The following EDA variants were observed in gnomAD, a reference collection of about 807,000 sequenced individuals.
EDA encodes ectodysplasin-A.
A neutral mutation model predicts 23.6 loss-of-function variants in EDA; 2 were observed. That is an observed-to-expected ratio of 0.08 (90% CI 0.03 to 0.27). The LOEUF is 0.27. EDA is among the 10% of genes least tolerant of loss of function. The pLI is 1.00. For missense variants in EDA, 229 were observed against 324.2 expected (o/e 0.71, Z 2.26); for synonymous variants, 131 against 132.0 (o/e 0.99, Z 0.05).
At chrX:69,705,363 T>C (rs1180731544) in intron 1 of EDA, among the ~76,000 whole-genome samples, 1 of 111,885 alleles carries the variant, frequency 8.9e-6, no homozygotes, top group Non-Finnish European at 1.9e-5. Flanking sequence ...TTAACTGTTA[T>C]CACAAGAGAG....
intron 1 of EDA, among the ~76,000 whole-genome samples, chrX:69,657,332 GTTAC>G (rs1933350544): frequency 8.9e-6 from 1 of 111,956 alleles, no homozygotes; most frequent in South Asian, 3.7e-4. Flanking sequence ...TTTTAATGGA[GTTAC>G]TTGTTTTCTT....
chrX:69,981,598 C>T, intron 2 of EDA, among the ~76,000 whole-genome samples: 1 of 111,393 alleles, frequency 9.0e-6, no homozygotes, highest in Non-Finnish European at 1.9e-5. Flanking sequence ...TACATGGTCA[C>T]GTGGGAGAAA....
intron 1 of EDA, among the ~76,000 whole-genome samples, chrX:69,932,984 G>A (rs1281891162): frequency 2.9e-5 from 3 of 104,473 alleles, no homozygotes; most frequent in East Asian, 3.0e-4. Flanking sequence ...TTCTTGTTTC[G>A]TAAACTATAG....
At chrX:69,751,979 G>A (rs969149675) in intron 1 of EDA, among the ~76,000 whole-genome samples, 15 of 110,759 alleles carry the variant, frequency 1.4e-4, no homozygotes, top group Non-Finnish European at 2.5e-4. Context: ...ATTTTGGGCT[G>A]CGACGATGGG....
chrX:69,705,597 G>A (rs73546231), intron 1 of EDA, among the ~76,000 whole-genome samples: 1 of 112,184 alleles, frequency 8.9e-6, no homozygotes, highest in Admixed American at 9.4e-5. Flanking sequence ...TAGTTAGGCT[G>A]CTCATTATAT....
At chrX:69,954,061 A>G (rs773385972) in intron 1 of EDA, among the ~76,000 whole-genome samples, 9 of 111,540 alleles carry the variant, frequency 8.1e-5, no homozygotes, top group Non-Finnish European at 1.5e-4. Context: ...AAATTTTTAT[A>G]AAGTACAAAA....
chrX:69,936,168 TA>T (rs569415240), intron 1 of EDA, among the ~76,000 whole-genome samples: 1 of 109,740 alleles, frequency 9.1e-6, no homozygotes, highest in Non-Finnish European at 1.9e-5. Context: ...CTTTGGATTT[TA>T]AAAAAAATCA....
At position 69,739,463 on chromosome X, in the gene EDA, T is replaced by C. The variant is rs141060574; in HGVS notation, c.396+122759T>C. On this transcript the variant is annotated intron_variant, in intron 1 of 7. Coordinates refer to ENST00000374552, the MANE Select transcript of EDA (RefSeq NM_001399.5). ...TGATAATCTCTGACTTTTGATTGGA[T>C]TGTTTAGTCATATTTAATTTTATTA... 6.0e-3 allele frequency among the ~76,000 whole-genome samples: 665 copies of C among 111,096 alleles called. 6 individuals are homozygous for C. Among genetic ancestry groups the C allele is most frequent in the African/African-American group, 0.02 (619 of 30,725 alleles).
chrX:69,783,250 TGACA>T (rs1439474607), intron 1 of EDA, among the ~76,000 whole-genome samples: 1 of 111,594 alleles, frequency 9.0e-6, no homozygotes, highest in African/African-American at 3.3e-5. Context: ...GCAGTTTAAA[TGACA>T]GAAGAGATTT....
chrX:69,801,766 A>C lies in EDA; in HGVS notation c.397-155261A>C, dbSNP rs1055013963. On this transcript the variant is annotated intron_variant, in intron 1 of 7. Coordinates refer to ENST00000374552, the MANE Select transcript of EDA (RefSeq NM_001399.5). ...ACATAAAAAGATTATCATTCTTACT[A>C]GTAATCTGGAAAATACAAGTTAATA... Among the ~76,000 whole-genome samples, 3 of 111,938 alleles carry C rather than the reference A, an allele frequency of 2.7e-5. No individual in the cohort carries two copies. The Admixed American group carries it at 2.9e-4, about 11-fold the overall frequency.
intron 1 of EDA, among the ~76,000 whole-genome samples, chrX:69,854,964 A>G (rs947382599): frequency 9.1e-6 from 1 of 109,397 alleles, no homozygotes; most frequent in Non-Finnish European, 1.9e-5. Context: ...CCTTGCCAGC[A>G]TGTTATTTTT....
At chrX:69,968,244 C>T (rs1042332191) in intron 2 of EDA, among the ~76,000 whole-genome samples, 1 of 112,105 alleles carries the variant, frequency 8.9e-6, no homozygotes, top group Non-Finnish European at 1.9e-5. Flanking sequence ...CAACCAAATA[C>T]ATTAAATACA....
At chrX:69,674,471 G>A (rs1412328484) in intron 1 of EDA, among the ~76,000 whole-genome samples, 2 of 111,270 alleles carry the variant, frequency 1.8e-5, no homozygotes, top group African/African-American at 6.5e-5. Flanking sequence ...ACTACTTTTT[G>A]TAGTTGGACA....
At chrX:69,633,703 C>A (rs1932691278) in intron 1 of EDA, among the ~76,000 whole-genome samples, 2 of 112,579 alleles carry the variant, frequency 1.8e-5, no homozygotes, top group Admixed American at 9.4e-5. Context: ...TTCCCTTTTA[C>A]AGGTGAATAA....
At chrX:69,778,453 C>A (rs770809712) in intron 1 of EDA, among the ~76,000 whole-genome samples, 1 of 111,732 alleles carries the variant, frequency 8.9e-6, no homozygotes, top group East Asian at 2.8e-4. Flanking sequence ...AATGCCAGAA[C>A]GTACTTGTTA....
intron 1 of EDA, among the ~76,000 whole-genome samples, chrX:69,827,433 G>A (rs1008910810): frequency 1.2e-4 from 13 of 110,729 alleles, no homozygotes; most frequent in Non-Finnish European, 1.7e-4. Flanking sequence ...TTCCCTTCTC[G>A]CTTCATTTCA....
At chrX:69,693,601 T>G (rs1440760988) in intron 1 of EDA, among the ~76,000 whole-genome samples, 3 of 111,366 alleles carry the variant, frequency 2.7e-5, no homozygotes, top group African/African-American at 9.8e-5. Flanking sequence ...TACAATCCAA[T>G]TGATTCGGTT....
chrX:69,682,216 C>G (rs1404557253), intron 1 of EDA, among the ~76,000 whole-genome samples: 4 of 112,134 alleles, frequency 3.6e-5, no homozygotes, highest in Admixed American at 9.4e-5. Flanking sequence ...AACCACTGCT[C>G]TCTTCAAAGC....
intron 1 of EDA, among the ~76,000 whole-genome samples, chrX:69,809,306 C>T (rs889167796): frequency 5.4e-5 from 6 of 110,883 alleles, no homozygotes; most frequent in African/African-American, 2.0e-4. Context: ...AACTAACAAT[C>T]GTGGCAGAAG....
Sources: gnomAD v4.1 joint callset for allele counts (sites outside exome capture counted in the v4.1 genomes callset) on GRCh38, gnomAD v4.1.1 for gene constraint, MANE v1.5 for transcripts, NCBI Gene and HGNC (gene_info 2026-07-23, HGNC 2026-07-21) for gene names.